Variants in DDB1 observed in about 807,000 individuals in gnomAD.
The protein encoded by DDB1 is DNA damage-binding protein 1.
Under a neutral mutation model 133.1 loss-of-function variants are expected in DDB1, and 18 were observed. The observed-to-expected ratio is 0.14, with a 90% CI of 0.09 to 0.20. The LOEUF (loss-of-function observed/expected upper bound fraction) is 0.20. DDB1 is among the 10% of genes least tolerant of loss of function. The probability of loss-of-function intolerance (pLI) is 1.00; values close to 1 mark genes in which losing one functional copy is unlikely to be tolerated. For missense variants in DDB1, 828 were observed against 1,459.2 expected (o/e 0.57, Z 7.05); for synonymous variants, 580 against 550.5 (o/e 1.05, Z -0.75).
At chr11:61,316,001 C>T (rs889347729) in intron 12 of DDB1, 2 of 274,056 alleles carry the variant, frequency 7.3e-6, no homozygotes, top group African/African-American at 2.2e-5. Context: ...AAATAGGATC[C>T]GAAACTATAT....
intron 25 of DDB1, 37 bp from the exon 26 acceptor site, chr11:61,300,969 A>C (rs368249984): frequency 1.9e-4 from 308 of 1,612,346 alleles, no homozygotes; most frequent in Admixed American, 4.2e-4. Context: ...GCTTATCAGG[A>C]AACACCCTCC....
At position 61,300,055 on chromosome 11, in the gene DDB1, G is replaced by A; in HGVS notation, c.*81C>T. 1 of 1,456,578 alleles carries A rather than the reference G, an allele frequency of 6.9e-7. No homozygotes were observed. The highest frequency in any genetic ancestry group is 9.6e-7 in the Non-Finnish European group (1 of 1,041,526). 90.2% of individuals were successfully genotyped at this position (1,456,578 alleles called of 1,614,324 possible). A position where few individuals can be genotyped will look rare whatever the true frequency, so the allele number is the denominator to read the frequency against. Reference sequence around the variant, plus strand: ...TTAGGGAAAGGCCTCCCATGGCCAAGAAGACGATGGTGGAGAGGAGGGGGA... The same window carrying A: ...TTAGGGAAAGGCCTCCCATGGCCAAAAAGACGATGGTGGAGAGGAGGGGGA... On this transcript the variant is annotated 3_prime_UTR_variant, in exon 27 of 27. Transcript: ENST00000301764.
Position 61,321,939 on chromosome 11 carries a change from G to A in DDB1, c.1123-242C>T, listed in dbSNP as rs931263750. The A allele has an allele frequency of 1.6e-4, 85 of 547,416 alleles. No individual in the cohort carries two copies. The East Asian group carries it at 2.2e-3, about 14-fold the overall frequency. 33.9% of individuals were successfully genotyped at this position (547,416 alleles called of 1,614,324 possible). On this transcript the variant is annotated intron_variant, in intron 9 of 26. Transcript: ENST00000301764. The stretch of plus-strand genomic sequence containing the variant: ...TGCTCCTAGCAAGCTTGCTTAGATC[G>A]CTGGGACCTAGTTTACTAGAATGAG...
At chr11:61,321,360 TCC>T in intron 10 of DDB1, 1 of 383,088 alleles carries the variant, frequency 2.6e-6, no homozygotes, top group Non-Finnish European at 4.7e-6. Flanking sequence ...AATCTTTTAA[TCC>T]CCTAGTCCTC....
At chr11:61,302,950 G>C in intron 23 of DDB1, 96 bp downstream of exon 23, 1 of 1,316,912 alleles carries the variant, frequency 7.6e-7, no homozygotes, top group Non-Finnish European at 1.1e-6. Context: ...GTAAACAGGA[G>C]CACCTGAACC....
chr11:61,325,186 A>G (rs1485546248), intron 6 of DDB1, among the ~76,000 whole-genome samples: 1 of 151,964 alleles, frequency 6.6e-6, no homozygotes, highest in Non-Finnish European at 1.5e-5. Flanking sequence ...TTCCCCTCTT[A>G]AAGTTGCCCC....
chr11:61,304,405 T>A (rs1332965016), intron 21 of DDB1, among the ~76,000 whole-genome samples: 1 of 151,642 alleles, frequency 6.6e-6, no homozygotes, highest in South Asian at 2.1e-4. Context: ...GAGGTTGCAG[T>A]GAGCTGAGCT....
chr11:61,330,741 C>T (rs1399449127), intron 2 of DDB1, among the ~76,000 whole-genome samples: 2 of 152,022 alleles, frequency 1.3e-5, no homozygotes, highest in East Asian at 1.9e-4. Flanking sequence ...CTGCAACCTC[C>T]GCCTCCTGAG....
intron 16 of DDB1, 38 bp downstream of exon 16, chr11:61,313,461 A>G (rs1288606409): frequency 1.3e-6 from 2 of 1,580,984 alleles, no homozygotes; most frequent in Non-Finnish European, 1.7e-6. Flanking sequence ...GACCCCCTCA[A>G]TCAATAGCTC....
chr11:61,316,537 C>G lies in DDB1; in HGVS notation c.1256G>C (p.Arg419Pro). Reference protein sequence around the residue: ...GLWPLRSDPNRETDDTLVLSF... With the variant: ...GLWPLRSDPNPETDDTLVLSF... ...GAGCACCAAAGTGTCATCAGTCTCA[C>G]GATTAGGGTCAGACCGCAGTGGCCA... The change falls in exon 11 of 27, where the codon CGT (arginine) becomes CCT (proline). Residue 419 changes from arginine to proline, a missense_variant. Coordinates refer to ENST00000301764, the MANE Select transcript of DDB1 (RefSeq NM_001923.5). 6.2e-7 allele frequency: 1 copy of G among 1,614,086 alleles called. No individual in the cohort carries two copies. The highest frequency in any genetic ancestry group is 8.5e-7 in the Non-Finnish European group (1 of 1,180,006).
Position 61,331,656 on chromosome 11 carries a change from T to C in DDB1, c.97A>G (p.Ile33Val). ...FTSAEDLNLL[I>V]AKNTRLEIYV... Reference sequence around the variant, plus strand: ...ATCTCTAATCTCGTGTTTTTGGCAATCAACAGGTTTAAGTCTTCGGCCGAA... The same window carrying C: ...ATCTCTAATCTCGTGTTTTTGGCAACCAACAGGTTTAAGTCTTCGGCCGAA... The change falls in exon 2 of 27, where the codon ATT becomes GTT. Residue 33 changes from isoleucine (I) to valine (V), a missense_variant. Ile to Val is a conservative substitution (Grantham distance 29). Transcript: ENST00000301764. 1.2e-6 allele frequency: 2 copies of C among 1,614,136 alleles called. No individual in the cohort carries two copies. The highest frequency in any genetic ancestry group is 1.1e-5 in the South Asian group (1 of 91,082).
At chr11:61,316,937 A>T in intron 10 of DDB1, among the ~76,000 whole-genome samples, 1 of 89,260 alleles carries the variant, frequency 1.1e-5, no homozygotes, top group Admixed American at 1.3e-4. Flanking sequence ...AAAAAAAAAA[A>T]AAAGGATAGA....
chr11:61,305,580 C>T (rs1855870687), intron 21 of DDB1, among the ~76,000 whole-genome samples: 2 of 152,162 alleles, frequency 1.3e-5, no homozygotes, highest in Non-Finnish European at 2.9e-5. Context: ...CAGAGTGCCC[C>T]GTCTTCAGGT....
chr11:61,316,215 A>C, intron 12 of DDB1, 70 bp downstream of exon 12: 1 of 1,343,750 alleles, frequency 7.4e-7, no homozygotes, highest in Non-Finnish European at 1.0e-6. Flanking sequence ...TTTAAAATCC[A>C]GTGGTGCTCT....
chr11:61,325,593 AG>A lies in DDB1; in HGVS notation c.762+17del. 1 of 1,604,958 alleles carries A rather than the reference AG, an allele frequency of 6.2e-7. No individual in the cohort carries two copies. Among genetic ancestry groups the A allele is most frequent in the Non-Finnish European group, 8.5e-7 (1 of 1,173,266 alleles). On this transcript the variant is annotated intron_variant, in intron 6 of 26. Transcript: ENST00000301764. ...GGAAAGAAAAGATGAAAGGAAAAAAAGGTAGGACTGCGCTCACCTTGATGAT... is the reference window on the plus strand; with the variant it reads ...GGAAAGAAAAGATGAAAGGAAAAAAAGTAGGACTGCGCTCACCTTGATGAT...
rs2085472919 is a variant in DDB1, at chr11:61,309,176, C to G, written c.2567-99G>C. 3 of 1,073,762 alleles carry G rather than the reference C, an allele frequency of 2.8e-6. No individual in the cohort carries two copies. In the Admixed American group the frequency reaches 5.6e-5, roughly 20 times the overall value. 66.5% of individuals were successfully genotyped at this position (1,073,762 alleles called of 1,614,324 possible). On this transcript the variant is annotated intron_variant, in intron 20 of 26. Transcript: ENST00000301764. Reference sequence around the variant, plus strand: ...CCCTGTGGTACAAATTCTTGCCCCCCAAAACCACTCATCTAAAAAAACAAC... The same window carrying G: ...CCCTGTGGTACAAATTCTTGCCCCCGAAAACCACTCATCTAAAAAAACAAC...
chr11:61,303,700 CAAA>C (rs59840297), intron 22 of DDB1, among the ~76,000 whole-genome samples, 162 bp downstream of exon 22: 11 of 44,242 alleles, frequency 2.5e-4, no homozygotes, highest in African/African-American at 5.7e-4. Flanking sequence ...GACTGCGTCT[CAAA>C]AAAAAAAAAA....
Position 61,316,334 on chromosome 11 carries a change from T to G in DDB1, c.1361A>C (p.Asp454Ala). 1 of 1,614,186 alleles carries G rather than the reference T, an allele frequency of 6.2e-7. No homozygotes were observed. Among genetic ancestry groups the G allele is most frequent in the South Asian group, 1.1e-5 (1 of 91,082 alleles). ...GTTGCCACAGAAGAAAGTCTGCTGATCATCCACGAAACCCATCAGTTCGGT... is the reference window on the plus strand; with the variant it reads ...GTTGCCACAGAAGAAAGTCTGCTGAGCATCCACGAAACCCATCAGTTCGGT... ...EETELMGFVD[D>A]QQTFFCGNVA... Residue 454 changes from aspartate to alanine, a missense_variant, in exon 12 of 27, where the codon GAT becomes GCT. This residue lies in a region of DDB1 where 396 missense variants were observed against 554.1 expected (regional missense o/e 0.71). Transcript: ENST00000301764.
At chr11:61,321,539 A>T (rs1036791179) in intron 10 of DDB1, 56 bp downstream of exon 10, 1 of 1,555,458 alleles carries the variant, frequency 6.4e-7, no homozygotes, top group South Asian at 1.1e-5. Flanking sequence ...ACAACATGTA[A>T]CAAGGCCAAA....
Sources: allele counts gnomAD v4.1 joint callset (sites outside exome capture counted in the v4.1 genomes callset), GRCh38; gene constraint gnomAD v4.1.1; regional missense constraint gnomAD v4.1.1; transcripts MANE v1.5; gene names NCBI Gene and HGNC (gene_info 2026-07-23, HGNC 2026-07-21).